SIK3: variants seen among roughly 807,000 people sequenced by gnomAD.
SIK3 encodes the protein SIK family kinase 3.
A neutral mutation model predicts 144.2 loss-of-function variants in SIK3; 28 were observed. That is an observed-to-expected ratio of 0.19 (90% CI 0.14 to 0.27). The LOEUF (loss-of-function observed/expected upper bound fraction) is 0.27. Among genes scored for constraint, SIK3 ranks in the 10% least tolerant of loss-of-function variants. SIK3 has a pLI of 1.00. For missense variants in SIK3, 1,319 were observed against 1,776.0 expected (o/e 0.74, Z 4.62); for synonymous variants, 686 against 676.3 (o/e 1.01, Z -0.22).
At chr11:116,968,041 G>A (rs919113948) in intron 1 of SIK3, among the ~76,000 whole-genome samples, 5 of 152,172 alleles carry the variant, frequency 3.3e-5, no homozygotes, top group Non-Finnish European at 5.9e-5. Context: ...TTTCCATAAT[G>A]AATGTTTGCA....
intron 1 of SIK3, among the ~76,000 whole-genome samples, chr11:117,075,331 G>A (rs1237541685): frequency 1.3e-5 from 2 of 152,118 alleles, no homozygotes; most frequent in Admixed American, 6.6e-5. Flanking sequence ...GAAATAAGCT[G>A]AACCATTAAT....
intron 1 of SIK3, among the ~76,000 whole-genome samples, chr11:117,038,244 G>A (rs1027704903): frequency 2.6e-5 from 4 of 151,930 alleles, no homozygotes; most frequent in Non-Finnish European, 5.9e-5. Context: ...ATCTGAACCC[G>A]CTCAACCAAA....
rs79068806 is a variant in SIK3 at position 116,995,649 on chromosome 11, T to C, written c.274-38585A>G. On this transcript the variant is annotated intron_variant, in intron 1 of 24. Coordinates refer to ENST00000445177, the MANE Select transcript of SIK3 (RefSeq NM_001366686.3). The stretch of plus-strand genomic sequence containing the variant: ...GGAAGTCCCCAATATTCTAATCGTC[T>C]AGTGATTGCTCTTAATCCTCTCAAC... 5.2e-3 allele frequency among the ~76,000 whole-genome samples: 796 copies of C among 152,290 alleles called. 8 individuals carry two copies. Among genetic ancestry groups the C allele is most frequent in the African/African-American group, 0.018 (745 of 41,566 alleles).
chr11:116,931,813 T>A (rs1947618341), intron 3 of SIK3, among the ~76,000 whole-genome samples: 1 of 152,186 alleles, frequency 6.6e-6, no homozygotes, highest in East Asian at 1.9e-4. Context: ...GAGGCCAAGA[T>A]AACTCAGCTC....
At chr11:116,985,096 C>T (rs551957661) in intron 1 of SIK3, among the ~76,000 whole-genome samples, 23 of 152,228 alleles carry the variant, frequency 1.5e-4, no homozygotes, top group African/African-American at 5.3e-4. Context: ...TGTGTTTTAT[C>T]TCATGTTTAT....
intron 4 of SIK3, among the ~76,000 whole-genome samples, chr11:116,898,385 T>C (rs200501391): frequency 1.3e-5 from 2 of 151,564 alleles, no homozygotes; most frequent in African/African-American, 4.8e-5. Context: ...TGTTGGACAT[T>C]TGGGTTGGTT....
At chr11:116,925,219 T>C (rs185563593) in intron 4 of SIK3, among the ~76,000 whole-genome samples, 1 of 150,308 alleles carries the variant, frequency 6.7e-6, no homozygotes, top group Non-Finnish European at 1.5e-5. Flanking sequence ...ACTGCCCTCC[T>C]GCCTGGGCAA....
chr11:116,863,909 C>T (rs1053623286), intron 15 of SIK3, 91 bp from the exon 16 acceptor site: 15 of 1,353,034 alleles, frequency 1.1e-5, no homozygotes, highest in African/African-American at 3.0e-5. Context: ...AACATAAAGA[C>T]GGCTGGCTGC....
At chr11:116,916,993 C>T (rs1055581326) in intron 4 of SIK3, among the ~76,000 whole-genome samples, 20 of 151,716 alleles carry the variant, frequency 1.3e-4, no homozygotes, top group Non-Finnish European at 2.7e-4. Flanking sequence ...CTCGCTCTGT[C>T]GCCTAGGCTA....
At chr11:117,001,397 T>G (rs1289583604) in intron 1 of SIK3, among the ~76,000 whole-genome samples, 1 of 152,064 alleles carries the variant, frequency 6.6e-6, no homozygotes, top group Non-Finnish European at 1.5e-5. Flanking sequence ...TCCCAGCTAC[T>G]TGGGAGGTTG....
intron 4 of SIK3, among the ~76,000 whole-genome samples, chr11:116,924,868 C>G (rs570620562): frequency 2.6e-5 from 4 of 152,264 alleles, no homozygotes; most frequent in African/African-American, 9.6e-5. Flanking sequence ...ATCCAAAGAG[C>G]CTTACAGTGA....
At chr11:116,848,617 A>G (rs1474129933) in intron 22 of SIK3, among the ~76,000 whole-genome samples, 1 of 152,188 alleles carries the variant, frequency 6.6e-6, no homozygotes, top group Non-Finnish European at 1.5e-5. Flanking sequence ...AATAACCAAA[A>G]CTACAGGGAA....
chr11:116,992,604 A>G (rs1372579903), intron 1 of SIK3, among the ~76,000 whole-genome samples: 2 of 152,230 alleles, frequency 1.3e-5, no homozygotes, highest in East Asian at 3.8e-4. Context: ...TATACAGAGA[A>G]GCAGGGCTTT....
At chr11:117,004,944 C>T (rs1212074349) in intron 1 of SIK3, among the ~76,000 whole-genome samples, 11 of 152,070 alleles carry the variant, frequency 7.2e-5, no homozygotes, top group Non-Finnish European at 1.6e-4. Flanking sequence ...AAATCTAGTA[C>T]GGCTACCTCA....
At chr11:116,956,874 A>T (rs1445254278) in intron 2 of SIK3, 74 bp downstream of exon 2, 1 of 880,092 alleles carries the variant, frequency 1.1e-6, no homozygotes, top group East Asian at 2.8e-5. Context: ...ACCCACCCAC[A>T]TTTCTTCAAA....
Position 116,846,561 on chromosome 11 carries a change from AC to A in SIK3, c.3953-9del. ...CCAGGCTTGCCCCACATTCTGCAAG[AC>A]CAAAAAGAACGTATGAGGTTGGCAG... On this transcript the variant is annotated splice_polypyrimidine_tract_variant and intron_variant, in intron 23 of 24. Coordinates refer to ENST00000445177, the MANE Select transcript of SIK3 (RefSeq NM_001366686.3). This position sits in a 1 kb window ranked among gnomAD's most constrained non-coding sequence, Gnocchi z 4.1. 6.2e-7 allele frequency: 1 copy of A among 1,614,034 alleles called. No individual in the cohort carries two copies. The highest frequency in any genetic ancestry group is 1.1e-5 in the South Asian group (1 of 91,066).
chr11:116,951,487 T>G (rs184774542), intron 3 of SIK3, among the ~76,000 whole-genome samples: 95 of 152,282 alleles, frequency 6.2e-4, no homozygotes, highest in African/African-American at 2.2e-3. Flanking sequence ...AATTGCGGTT[T>G]TTGCCATTAC....
chr11:116,873,270 A>G (rs986668194), intron 13 of SIK3, among the ~76,000 whole-genome samples: 5 of 152,230 alleles, frequency 3.3e-5, no homozygotes, highest in African/African-American at 9.6e-5. Flanking sequence ...GTGGAGTTCA[A>G]TGTAGAAATA....
chr11:117,030,126 G>C (rs1311290927), intron 1 of SIK3, among the ~76,000 whole-genome samples: 2 of 152,118 alleles, frequency 1.3e-5, no homozygotes, highest in Non-Finnish European at 2.9e-5. Flanking sequence ...TATTTTCCTA[G>C]AGAAAGGAGA....
Sources: gnomAD v4.1 joint callset for allele counts (sites outside exome capture counted in the v4.1 genomes callset) on GRCh38, gnomAD v4.1.1 for gene constraint, Gnocchi (gnomAD v3.1) non-coding constraint, MANE v1.5 for transcripts, NCBI Gene and HGNC (gene_info 2026-07-23, HGNC 2026-07-21) for gene names.